Variants in CLEC16A observed in about 807,000 individuals in gnomAD.
CLEC16A encodes C-type lectin domain containing 16A, also known as protein CLEC16A.
A neutral mutation model predicts 109.5 loss-of-function variants in CLEC16A; 51 were observed. The observed-to-expected ratio is 0.47, with a 90% confidence interval of 0.37 to 0.59. The LOEUF (loss-of-function observed/expected upper bound fraction) is 0.59. Among genes scored for constraint, CLEC16A ranks in the 20% least tolerant of loss-of-function variants. CLEC16A has a pLI of 0.00. For missense variants in CLEC16A, 1,339 were observed against 1,394.0 expected (o/e 0.96, Z 0.63); for synonymous variants, 673 against 564.2 (o/e 1.19, Z -2.73).
chr16:10,999,981 C>T (rs943069481), intron 10 of CLEC16A, among the ~76,000 whole-genome samples: 1 of 152,150 alleles, frequency 6.6e-6, no homozygotes, highest in African/African-American at 2.4e-5. Flanking sequence ...GGACTACAAG[C>T]GCCCGCCACC....
At chr16:11,150,380 G>A (rs1240890062) in intron 22 of CLEC16A, 1 of 152,226 alleles carries the variant, frequency 6.6e-6, no homozygotes, top group Admixed American at 6.5e-5. Flanking sequence ...AGCACTTACA[G>A]ATTTCACACA....
At chr16:10,983,073 A>T (rs1010724123) in intron 10 of CLEC16A, 82 bp downstream of exon 10, 1 of 790,724 alleles carries the variant, frequency 1.3e-6, no homozygotes, top group Non-Finnish European at 2.2e-6. Flanking sequence ...AAAATCAGAA[A>T]CTAACATTCT....
intron 10 of CLEC16A, among the ~76,000 whole-genome samples, chr16:11,001,405 A>C (rs1596986926): frequency 6.6e-6 from 1 of 152,106 alleles, no homozygotes; most frequent in Non-Finnish European, 1.5e-5. Context: ...AAGAGCATTA[A>C]ATGTAGAATT....
intron 22 of CLEC16A, among the ~76,000 whole-genome samples, chr16:11,160,136 A>G (rs1395396965): frequency 6.6e-6 from 1 of 152,090 alleles, no homozygotes; most frequent in Non-Finnish European, 1.5e-5. Context: ...TAAGCCTGAA[A>G]TAGTTGCACT....
At chr16:11,160,248 A>G (rs942109934) in intron 22 of CLEC16A, among the ~76,000 whole-genome samples, 3 of 152,100 alleles carry the variant, frequency 2.0e-5, no homozygotes, top group African/African-American at 7.2e-5. Context: ...TCATTTGGAG[A>G]TTCAGAAAAC....
intron 1 of CLEC16A, among the ~76,000 whole-genome samples, chr16:10,949,549 G>T (rs1311134241): frequency 1.3e-5 from 2 of 152,158 alleles, no homozygotes; most frequent in Non-Finnish European, 2.9e-5. Flanking sequence ...TTCAGCAGGG[G>T]AGTGTTCACT....
chr16:11,173,320 T>C (rs2141010518), intron 23 of CLEC16A, among the ~76,000 whole-genome samples: 1 of 152,304 alleles, frequency 6.6e-6, no homozygotes, highest in East Asian at 1.9e-4. Context: ...ACCTTCACAT[T>C]GTAGTGCTCT....
chr16:10,958,012 A>G, intron 2 of CLEC16A, 102 bp downstream of exon 2: 1 of 1,204,264 alleles, frequency 8.3e-7, no homozygotes, highest in Non-Finnish European at 1.2e-6. Context: ...ATTTGACGCT[A>G]ATTTGATCTT....
chr16:11,044,183 C>G, intron 16 of CLEC16A, 111 bp downstream of exon 16: 8 of 859,786 alleles, frequency 9.3e-6, no homozygotes, highest in Non-Finnish European at 1.3e-5. Flanking sequence ...ATTTTTTATG[C>G]CTATAATTAC....
At chr16:11,140,063 A>G (rs2053751871) in intron 22 of CLEC16A, among the ~76,000 whole-genome samples, 1 of 152,118 alleles carries the variant, frequency 6.6e-6, no homozygotes, top group Non-Finnish European at 1.5e-5. Context: ...TGCTTCTTCT[A>G]CCTCTTCTAC....
At chr16:11,060,341 A>T (rs1411287477) in intron 18 of CLEC16A, among the ~76,000 whole-genome samples, 1 of 151,962 alleles carries the variant, frequency 6.6e-6, no homozygotes, top group Non-Finnish European at 1.5e-5. Flanking sequence ...CCAGGGTAGG[A>T]TTTTCCTCAG....
intron 19 of CLEC16A, among the ~76,000 whole-genome samples, chr16:11,080,700 G>A (rs2049655881): frequency 6.6e-6 from 1 of 152,162 alleles, no homozygotes; most frequent in South Asian, 2.1e-4. Context: ...GATTCTAAAG[G>A]TCGCCTGTGC....
chr16:11,112,848 T>C (rs2051692514), intron 19 of CLEC16A, among the ~76,000 whole-genome samples: 1 of 152,182 alleles, frequency 6.6e-6, no homozygotes, highest in South Asian at 2.1e-4. Context: ...ACATCTGCCA[T>C]CCTACCTTTT....
At chr16:11,170,825 C>G (rs1380331089) in intron 23 of CLEC16A, among the ~76,000 whole-genome samples, 2 of 152,220 alleles carry the variant, frequency 1.3e-5, no homozygotes, top group Non-Finnish European at 2.9e-5. Flanking sequence ...GGTGGCCACC[C>G]AGAGGCATGT....
At chr16:10,981,409 C>T (rs1401540132) in intron 9 of CLEC16A, among the ~76,000 whole-genome samples, 1 of 152,162 alleles carries the variant, frequency 6.6e-6, no homozygotes, top group African/African-American at 2.4e-5. Flanking sequence ...ACTATGTGGT[C>T]TCTGTGATAG....
rs202112879 is a variant in CLEC16A at position 11,181,295 on chromosome 16, C to G, written c.*2605C>G. ...ACAGGACACGCTGGGCCCCTGGCATCCAGAGGAAGAGCCAGGAGTGTGGGA... is the reference window on the plus strand; with the variant it reads ...ACAGGACACGCTGGGCCCCTGGCATGCAGAGGAAGAGCCAGGAGTGTGGGA... On this transcript the variant is annotated 3_prime_UTR_variant, in exon 24 of 24. Transcript: ENST00000409790. 1.3e-5 allele frequency: 2 copies of G among 152,358 alleles called. No homozygotes were observed. The highest frequency in any genetic ancestry group is 4.8e-5 in the African/African-American group (2 of 41,460). The allele number at this position is 152,358 out of a possible 1,614,324, so 9.4% of individuals were successfully genotyped here.
chr16:10,969,104 C>T (rs1213960366), intron 3 of CLEC16A, 57 bp from the exon 4 acceptor site: 45 of 1,468,512 alleles, frequency 3.1e-5, no homozygotes, highest in Non-Finnish European at 4.2e-5. Flanking sequence ...CTGCTTGTTA[C>T]CTGGCTTATC....
At chr16:11,035,299 C>T (rs1434858798) in intron 13 of CLEC16A, among the ~76,000 whole-genome samples, 1 of 152,102 alleles carries the variant, frequency 6.6e-6, no homozygotes, top group African/African-American at 2.4e-5. Context: ...TTCTATTTTA[C>T]GTATGTTTCC....
At chr16:11,156,442 C>A in intron 22 of CLEC16A, 1 of 335,822 alleles carries the variant, frequency 3.0e-6, no homozygotes, top group Non-Finnish European at 5.7e-6. Context: ...CCATCCTTTG[C>A]AAGCAGGGCC....
Sources: allele counts gnomAD v4.1 joint callset (sites outside exome capture counted in the v4.1 genomes callset), GRCh38; gene constraint gnomAD v4.1.1; transcripts MANE v1.5; gene names NCBI Gene and HGNC (gene_info 2026-07-23, HGNC 2026-07-21).